Variants in TM9SF4 observed in about 807,000 individuals in gnomAD.
The protein encoded by TM9SF4 is transmembrane 9 superfamily member 4.
In TM9SF4, 26 loss-of-function variants were observed where a neutral mutation model predicts 90.4. The observed-to-expected ratio is 0.29, with a 90% CI of 0.21 to 0.40. The LOEUF is 0.40. Among genes scored for constraint, TM9SF4 ranks in the 10% least tolerant of loss-of-function variants. TM9SF4 has a pLI of 1.00. For synonymous variants in TM9SF4, 293 were observed against 315.4 expected (o/e 0.93, Z 0.75); for missense variants, 549 against 834.8 (o/e 0.66, Z 4.22).
intron 1 of TM9SF4, among the ~76,000 whole-genome samples, chr20:32,113,532 C>T (rs946403364): frequency 3.9e-5 from 6 of 152,100 alleles, no homozygotes; most frequent in African/African-American, 1.4e-4. Context: ...TTCATTGAAA[C>T]TTGGGAAATG....
At position 32,165,711 on chromosome 20, in the gene TM9SF4, A is replaced by G; in HGVS notation, c.*267A>G. 2 of 444,448 alleles carry G rather than the reference A, an allele frequency of 4.5e-6. No homozygotes were observed. The highest frequency in any genetic ancestry group is 8.2e-6 in the Non-Finnish European group (2 of 243,602). The allele number at this position is 444,448 out of a possible 1,614,324, so 27.5% of individuals were successfully genotyped here. Reference sequence around the variant, plus strand: ...GCTAAGAAAGTTCCCTCCAACAGGAACTCTCTGACCTGTTTATTCAGGTGT... The same window carrying G: ...GCTAAGAAAGTTCCCTCCAACAGGAGCTCTCTGACCTGTTTATTCAGGTGT... On this transcript the variant is annotated 3_prime_UTR_variant, in exon 18 of 18. Transcript: ENST00000398022.
intron 1 of TM9SF4, among the ~76,000 whole-genome samples, chr20:32,111,043 C>T (rs1427282820): frequency 1.3e-5 from 2 of 152,192 alleles, no homozygotes; most frequent in Non-Finnish European, 2.9e-5. Context: ...TGGTTTTCTC[C>T]AAACAGGGAT....
Position 32,165,668 on chromosome 20 carries a change from G to T in TM9SF4, c.*224G>T, listed in dbSNP as rs2047089662. 1.8e-6 allele frequency: 1 copy of T among 548,162 alleles called. No individual in the cohort carries two copies. The highest frequency in any genetic ancestry group is 2.4e-5 in the South Asian group (1 of 41,870). The allele number at this position is 548,162 out of a possible 1,614,324, so 34.0% of individuals were successfully genotyped here. A position where few individuals can be genotyped will look rare whatever the true frequency, so the allele number is the denominator to read the frequency against. On this transcript the variant is annotated 3_prime_UTR_variant, in exon 18 of 18. Transcript: ENST00000398022. Reference sequence around the variant, plus strand: ...TCTGTGGGGGATGAGTTTTTTTGTGGGTTGCTTTTTCTTCAGTGCTAAGAA... The same window carrying T: ...TCTGTGGGGGATGAGTTTTTTTGTGTGTTGCTTTTTCTTCAGTGCTAAGAA...
intron 1 of TM9SF4, among the ~76,000 whole-genome samples, chr20:32,122,614 G>A (rs530088054): frequency 2.2e-4 from 32 of 148,552 alleles, no homozygotes; most frequent in Non-Finnish European, 3.9e-4. Flanking sequence ...ATGTGATGGC[G>A]TCCGGGAAGA....
chr20:32,144,478 G>A (rs1272086478), intron 6 of TM9SF4, among the ~76,000 whole-genome samples: 1 of 152,218 alleles, frequency 6.6e-6, no homozygotes, highest in Non-Finnish European at 1.5e-5. Flanking sequence ...CTGGATGGTA[G>A]GTGAACGTTT....
At chr20:32,159,767 G>A (rs1359934550) in intron 15 of TM9SF4, 8 of 575,776 alleles carry the variant, frequency 1.4e-5, no homozygotes, top group Non-Finnish European at 2.5e-5. Flanking sequence ...GCTGAGTTCA[G>A]GCTGGGGTCT....
chr20:32,157,535 C>A (rs988772019), intron 13 of TM9SF4, among the ~76,000 whole-genome samples: 4 of 152,222 alleles, frequency 2.6e-5, no homozygotes, highest in Non-Finnish European at 5.9e-5. Context: ...TCCACTCCTT[C>A]CTGTTCCTCC....
chr20:32,121,973 C>T (rs1293733924), intron 1 of TM9SF4, among the ~76,000 whole-genome samples: 31 of 141,932 alleles, frequency 2.2e-4, no homozygotes, highest in African/African-American at 3.9e-4. Context: ...GCTGGCAGGG[C>T]GGGGGGCTGA....
intron 1 of TM9SF4, among the ~76,000 whole-genome samples, chr20:32,127,755 T>C (rs1483116194): frequency 6.6e-6 from 1 of 152,230 alleles, no homozygotes; most frequent in African/African-American, 2.4e-5. Context: ...AGAGAGCCCT[T>C]GAGTTCCCTA....
chr20:32,142,922 A>G, intron 5 of TM9SF4, 60 bp from the exon 6 acceptor site: 1 of 1,597,010 alleles, frequency 6.3e-7, no homozygotes, highest in Non-Finnish European at 8.6e-7. Flanking sequence ...AAGGGCCCTA[A>G]TACCTGGAGA....
At chr20:32,117,910 A>G (rs754493554) in intron 1 of TM9SF4, among the ~76,000 whole-genome samples, 3 of 152,188 alleles carry the variant, frequency 2.0e-5, no homozygotes, top group Non-Finnish European at 2.9e-5. Flanking sequence ...CATGCAGAAG[A>G]TGATTACTAA....
rs761293620 is a variant in TM9SF4, at chr20:32,109,764, A to G, written c.15+9A>G. 9.0e-6 allele frequency: 14 copies of G among 1,551,490 alleles called. 1 individual carries two copies. The highest frequency in any genetic ancestry group is 1.7e-4 in the Middle Eastern group (1 of 6,014). On this transcript the variant is annotated intron_variant, in intron 1 of 17. Transcript: ENST00000398022. ...AGATGGCGACGGCGATGGTGAGTGA[A>G]GGAGACTCCGGGAGCGGGAGCTGGA...
At position 32,145,255 on chromosome 20, in the gene TM9SF4, C is replaced by A. The variant is rs199660977; in HGVS notation, c.771+46C>A. The A allele has an allele frequency of 1.4e-4, 224 of 1,612,882 alleles. 1 individual carries two copies. The highest frequency in any genetic ancestry group is 1.8e-4 in the Non-Finnish European group (208 of 1,178,854). On this transcript the variant is annotated intron_variant, in intron 7 of 17. Coordinates refer to ENST00000398022, the MANE Select transcript of TM9SF4 (RefSeq NM_014742.4). ...ATGGGCAGGGGAGGAGGGCTCTGGT[C>A]TGTGTCAGGTTCTCCAGCAGGATGC...
chr20:32,110,247 CACTT>C (rs2046122670), intron 1 of TM9SF4, among the ~76,000 whole-genome samples: 1 of 152,112 alleles, frequency 6.6e-6, no homozygotes, highest in South Asian at 2.1e-4. Context: ...GCCCTGTCCT[CACTT>C]ACACTCATAG....
intron 1 of TM9SF4, among the ~76,000 whole-genome samples, chr20:32,126,888 A>G (rs2046430745): frequency 1.3e-5 from 2 of 152,074 alleles, no homozygotes; most frequent in Non-Finnish European, 2.9e-5. Context: ...GGCGCCTGCC[A>G]CCACGCCGGC....
At chr20:32,163,237 C>A (rs1458433747) in intron 17 of TM9SF4, among the ~76,000 whole-genome samples, 2 of 106,194 alleles carry the variant, frequency 1.9e-5, no homozygotes, top group Non-Finnish European at 3.5e-5. Flanking sequence ...CAGAGCAAGA[C>A]TCCATCTCAA....
At chr20:32,142,377 G>A (rs2046694405) in intron 5 of TM9SF4, among the ~76,000 whole-genome samples, 1 of 152,212 alleles carries the variant, frequency 6.6e-6, no homozygotes, top group Non-Finnish European at 1.5e-5. Context: ...TTATAGCCCT[G>A]ATTCTCTTAT....
intron 12 of TM9SF4, among the ~76,000 whole-genome samples, chr20:32,153,384 G>A (rs1442362730): frequency 6.6e-5 from 10 of 152,192 alleles, no homozygotes; most frequent in Admixed American, 4.6e-4. Flanking sequence ...GAGGGCCTTC[G>A]TCATTGTGGT....
Position 32,143,029 on chromosome 20 carries a change from G to A in TM9SF4, c.576G>A (p.Glu192=), listed in dbSNP as rs554038922. 1.2e-6 allele frequency: 2 copies of A among 1,613,946 alleles called. No homozygotes were observed. The highest frequency in any genetic ancestry group is 1.1e-5 in the South Asian group (1 of 91,064). ...HLSFILYYHR[E]DMEEDQEHTY... ...CATTCATCCTTTACTATCATCGGGAGGACATGGAAGAGGACCAGGAGCACA... is the reference window on the plus strand; with the variant it reads ...CATTCATCCTTTACTATCATCGGGAAGACATGGAAGAGGACCAGGAGCACA... The change falls in exon 6 of 18, where the codon GAG becomes GAA. Residue 192 remains glutamate, a synonymous_variant. Transcript: ENST00000398022.
Sources: gnomAD v4.1 joint callset for allele counts (sites outside exome capture counted in the v4.1 genomes callset) on GRCh38, gnomAD v4.1.1 for gene constraint, MANE v1.5 for transcripts, NCBI Gene and HGNC (gene_info 2026-07-23, HGNC 2026-07-21) for gene names.